ANKS1B: variants seen among roughly 807,000 people sequenced by gnomAD.
ANKS1B encodes the protein ankyrin repeat and sterile alpha motif domain containing 1B, also known as ankyrin repeat and sterile alpha motif domain-containing protein 1B.
ANKS1B carries 36 observed loss-of-function variants against 148.3 expected under a neutral mutation model. The observed-to-expected ratio is 0.24, with a 90% confidence interval of 0.19 to 0.32. The LOEUF is 0.32. Ranked by LOEUF, ANKS1B falls within the 10% of genes least tolerant of loss-of-function variation. ANKS1B has a pLI of 1.00. For missense variants in ANKS1B, 1,157 were observed against 1,542.6 expected, an observed-to-expected ratio of 0.75 and a Z score of 4.19; for synonymous variants, 542 against 560.8, an observed-to-expected ratio of 0.97 and a Z score of 0.47.
At chr12:99,457,438 T>C (rs1025566295) in intron 10 of ANKS1B, among the ~76,000 whole-genome samples, 1 of 151,810 alleles carries the variant, frequency 6.6e-6, no homozygotes, top group Non-Finnish European at 1.5e-5. Flanking sequence ...AATATTAACA[T>C]TGAATGTAAA....
rs11110162 is a variant in ANKS1B at position 99,970,557 on chromosome 12, A to G, written c.134+13547T>C. 3.6e-3 allele frequency among the ~76,000 whole-genome samples: 549 copies of G among 150,774 alleles called. 5 individuals are homozygous for G. The highest frequency in any genetic ancestry group is 0.013 in the African/African-American group (518 of 41,158). ...AAAAAAAAAAACACATTGGATCCTC[A>G]TGGCCTTCAGGATTAGGCTCAAACT... is the stretch of plus-strand genomic sequence containing the variant. On this transcript the variant is annotated intron_variant, in intron 1 of 26. Coordinates refer to ENST00000683438, the MANE Select transcript of ANKS1B (RefSeq NM_001352186.2).
At chr12:99,225,654 T>C (rs61940208) in intron 14 of ANKS1B, among the ~76,000 whole-genome samples, 18,618 of 152,268 alleles carry the variant, frequency 0.12, 1,410 homozygotes, top group South Asian at 0.26. Flanking sequence ...GGCCTTCATC[T>C]GTCTCCTGTG....
intron 4 of ANKS1B, among the ~76,000 whole-genome samples, chr12:99,783,779 C>T (rs1284978181): frequency 6.6e-6 from 1 of 151,952 alleles, no homozygotes; most frequent in Admixed American, 6.6e-5. Context: ...TGCGAAATTA[C>T]AGCTATATAG....
chr12:99,142,645 T>G (rs2071348268), intron 15 of ANKS1B, among the ~76,000 whole-genome samples: 1 of 152,118 alleles, frequency 6.6e-6, no homozygotes, highest in Non-Finnish European at 1.5e-5. Flanking sequence ...TTTAAAAAAC[T>G]ATAAAGTACA....
At chr12:99,397,555 T>C (rs2094286301) in intron 12 of ANKS1B, among the ~76,000 whole-genome samples, 1 of 152,108 alleles carries the variant, frequency 6.6e-6, no homozygotes, top group Non-Finnish European at 1.5e-5. Flanking sequence ...TAGAGTGATA[T>C]AGAAAAATGG....
chr12:98,952,611 A>G (rs540479675), intron 17 of ANKS1B, among the ~76,000 whole-genome samples: 110 of 152,186 alleles, frequency 7.2e-4, no homozygotes, highest in Non-Finnish European at 1.3e-3. Context: ...TCGTGGTTTC[A>G]ATGATCATCA....
At chr12:99,641,301 A>C (rs1049595565) in intron 9 of ANKS1B, among the ~76,000 whole-genome samples, 6 of 152,222 alleles carry the variant, frequency 3.9e-5, no homozygotes, top group Non-Finnish European at 8.8e-5. Context: ...ATTTTAAAGA[A>C]GCAGCAGCAG....
chr12:98,880,914 A>T (rs1382611781), intron 17 of ANKS1B, among the ~76,000 whole-genome samples: 1 of 152,200 alleles, frequency 6.6e-6, no homozygotes, highest in Admixed American at 6.5e-5. Context: ...ACCCTAATGA[A>T]ATCTTGCAGT....
intron 19 of ANKS1B, among the ~76,000 whole-genome samples, chr12:98,823,658 A>T (rs546008184): frequency 1.3e-5 from 2 of 152,302 alleles, no homozygotes; most frequent in African/African-American, 4.8e-5. Context: ...TGCCCAGCTA[A>T]CTTTTGAGTC....
At chr12:99,594,575 A>G (rs181730749) in intron 9 of ANKS1B, among the ~76,000 whole-genome samples, 31 of 152,168 alleles carry the variant, frequency 2.0e-4, no homozygotes, top group Non-Finnish European at 4.0e-4. Flanking sequence ...TGTGACATGG[A>G]TGAATCTTCA....
At chr12:99,389,603 A>T (rs367827702) in intron 12 of ANKS1B, among the ~76,000 whole-genome samples, 1 of 152,232 alleles carries the variant, frequency 6.6e-6, no homozygotes, top group Admixed American at 6.5e-5. Flanking sequence ...AGATATAAAC[A>T]TCCTGGTTGA....
intron 4 of ANKS1B, among the ~76,000 whole-genome samples, chr12:99,789,945 A>G (rs2153642698): frequency 6.6e-6 from 1 of 152,286 alleles, no homozygotes; most frequent in African/African-American, 2.4e-5. Flanking sequence ...TAGAAGGTTT[A>G]TTCAAAGTGA....
intron 1 of ANKS1B, among the ~76,000 whole-genome samples, chr12:99,912,230 C>T (rs141609702): frequency 2.0e-3 from 310 of 152,270 alleles, no homozygotes; most frequent in African/African-American, 7.3e-3. Context: ...TTCACTGGTG[C>T]TTTCTGATTT....
chr12:99,526,270 A>G (rs1471794177), intron 9 of ANKS1B, among the ~76,000 whole-genome samples: 1 of 152,150 alleles, frequency 6.6e-6, no homozygotes, highest in East Asian at 1.9e-4. Flanking sequence ...GTTACAGGAG[A>G]TCGTTAGAAA....
intron 1 of ANKS1B, among the ~76,000 whole-genome samples, chr12:99,909,060 T>C (rs569908552): frequency 1.3e-5 from 2 of 151,150 alleles, no homozygotes; most frequent in Non-Finnish European, 3.0e-5. Context: ...TCTGTGTCTA[T>C]ATATTCAACT....
rs2086632940 is a variant in ANKS1B, at chr12:99,327,351, CAT to C, written c.1756+72278_1756+72279del. On this transcript the variant is annotated intron_variant, in intron 12 of 26. Transcript: ENST00000683438. The stretch of plus-strand genomic sequence containing the variant: ...TATATATAATTATATATTATAATTA[CAT>C]ATTATATATAATTACATATTATATA... Among the ~76,000 whole-genome samples, 11 of 103,048 alleles carry C rather than the reference CAT, an allele frequency of 1.1e-4. No individual in the cohort carries two copies. The South Asian group carries it at 3.1e-3, about 29-fold the overall frequency. The allele number at this position is 103,048 out of a possible 152,430, so 67.6% of individuals were successfully genotyped here.
At chr12:99,350,537 A>G (rs2091291026) in intron 12 of ANKS1B, among the ~76,000 whole-genome samples, 1 of 152,116 alleles carries the variant, frequency 6.6e-6, no homozygotes, top group African/African-American at 2.4e-5. Flanking sequence ...AGATAAAAGA[A>G]GCTGCTAAAA....
chr12:99,615,585 T>C (rs1454827267), intron 9 of ANKS1B, among the ~76,000 whole-genome samples: 3 of 152,106 alleles, frequency 2.0e-5, no homozygotes, highest in Non-Finnish European at 2.9e-5. Flanking sequence ...TTCAATAAAA[T>C]TCAACACCCC....
chr12:98,975,477 A>T (rs1314158278), intron 17 of ANKS1B, among the ~76,000 whole-genome samples: 4 of 151,600 alleles, frequency 2.6e-5, no homozygotes, highest in African/African-American at 9.7e-5. Flanking sequence ...TTTTTGAGTG[A>T]CTATGATGTG....
Sources: gnomAD v4.1 joint callset for allele counts (sites outside exome capture counted in the v4.1 genomes callset) on GRCh38, gnomAD v4.1.1 for gene constraint, MANE v1.5 for transcripts, NCBI Gene and HGNC (gene_info 2026-07-23, HGNC 2026-07-21) for gene names.